The following RAPGEF4 variants were observed in gnomAD, a reference collection of about 807,000 sequenced individuals.
RAPGEF4 encodes the protein Rap guanine nucleotide exchange factor 4, also known as RAP guanine-nucleotide-exchange factor (GEF) 4.
RAPGEF4 carries 66 observed loss-of-function variants against 147.9 expected under a neutral mutation model. The observed-to-expected ratio is 0.45, with a 90% CI of 0.37 to 0.55. The LOEUF is 0.55. RAPGEF4 is among the 20% of genes least tolerant of loss of function. The pLI, the probability that RAPGEF4 is intolerant of heterozygous loss-of-function variation, is 0.00. For missense variants in RAPGEF4, 1,071 were observed against 1,257.3 expected, an observed-to-expected ratio of 0.85 and a Z score of 2.24; for synonymous variants, 419 against 442.7, an observed-to-expected ratio of 0.95 and a Z score of 0.67.
chr2:172,748,554 C>G (rs1694981104), intron 1 of RAPGEF4, among the ~76,000 whole-genome samples: 2 of 152,134 alleles, frequency 1.3e-5, no homozygotes, highest in Non-Finnish European at 2.9e-5. Flanking sequence ...TCAGTTATCT[C>G]CCACCGGGTC....
At chr2:172,861,706 A>G (rs1013203809) in intron 4 of RAPGEF4, among the ~76,000 whole-genome samples, 1 of 152,244 alleles carries the variant, frequency 6.6e-6, no homozygotes. Flanking sequence ...GTGATTTTCT[A>G]TAAATACACA....
intron 4 of RAPGEF4, among the ~76,000 whole-genome samples, chr2:172,850,545 G>A (rs951984483): frequency 1.3e-5 from 2 of 151,912 alleles, no homozygotes; most frequent in African/African-American, 2.4e-5. Flanking sequence ...ATGAACCCGG[G>A]AGGCGGAGCT....
At chr2:172,903,158 C>G (rs995054186) in intron 4 of RAPGEF4, among the ~76,000 whole-genome samples, 6 of 152,068 alleles carry the variant, frequency 3.9e-5, no homozygotes, top group Non-Finnish European at 7.3e-5. Flanking sequence ...CACCTGAGGT[C>G]AGGAGATCGA....
At chr2:172,897,812 T>C (rs948595652) in intron 4 of RAPGEF4, among the ~76,000 whole-genome samples, 3 of 146,018 alleles carry the variant, frequency 2.1e-5, no homozygotes, top group Non-Finnish European at 4.5e-5. Flanking sequence ...ATCTTTGGAA[T>C]TGCCTTTTTC....
At chr2:172,789,584 A>C (rs531560184) in intron 1 of RAPGEF4, among the ~76,000 whole-genome samples, 1 of 152,158 alleles carries the variant, frequency 6.6e-6, no homozygotes, top group African/African-American at 2.4e-5. Context: ...ATCTTTCTTG[A>C]CTGAAACTCT....
chr2:173,043,210 G>T (rs1036930526), intron 29 of RAPGEF4, among the ~76,000 whole-genome samples: 1 of 152,216 alleles, frequency 6.6e-6, no homozygotes, highest in African/African-American at 2.4e-5. Flanking sequence ...ATTAACAAAG[G>T]TCCTATATTT....
intron 4 of RAPGEF4, among the ~76,000 whole-genome samples, chr2:172,859,296 T>G (rs1693764823): frequency 6.6e-6 from 1 of 152,220 alleles, no homozygotes; most frequent in Non-Finnish European, 1.5e-5. Context: ...AATCTGAGTT[T>G]AAAAAGCATT....
intron 4 of RAPGEF4, among the ~76,000 whole-genome samples, chr2:172,886,216 T>C (rs1374495464): frequency 6.6e-6 from 1 of 152,248 alleles, no homozygotes; most frequent in African/African-American, 2.4e-5. Flanking sequence ...CATCTCTTTC[T>C]CTAGACCAGG....
chr2:172,736,171 G>T (rs1177607964), intron 1 of RAPGEF4, 123 bp downstream of exon 1: 2 of 670,412 alleles, frequency 3.0e-6, no homozygotes, highest in South Asian at 9.2e-5. Flanking sequence ...GTCCCCGAGC[G>T]GGGGAAGGGG....
At chr2:172,861,928 G>A (rs1469615336) in intron 4 of RAPGEF4, among the ~76,000 whole-genome samples, 2 of 152,182 alleles carry the variant, frequency 1.3e-5, no homozygotes, top group Admixed American at 6.5e-5. Context: ...AATGATGCAC[G>A]TAGCAAGAAC....
At chr2:172,757,139 G>A (rs1361260330) in intron 1 of RAPGEF4, among the ~76,000 whole-genome samples, 1 of 152,244 alleles carries the variant, frequency 6.6e-6, no homozygotes, top group Non-Finnish European at 1.5e-5. Context: ...TAAACAAATG[G>A]CTGAAAGCCA....
intron 6 of RAPGEF4, among the ~76,000 whole-genome samples, chr2:172,956,284 G>C (rs1293192615): frequency 6.6e-6 from 1 of 151,916 alleles, no homozygotes; most frequent in African/African-American, 2.4e-5. Flanking sequence ...GATCTATTTG[G>C]CTTCTGAAAT....
chr2:172,774,329 G>A (rs1683940194), intron 1 of RAPGEF4, among the ~76,000 whole-genome samples: 2 of 152,122 alleles, frequency 1.3e-5, no homozygotes, highest in African/African-American at 4.8e-5. Flanking sequence ...CCTTCCCATG[G>A]TTAGCAGAAT....
chr2:172,968,283 CT>C (rs796234786), intron 10 of RAPGEF4, among the ~76,000 whole-genome samples: 5 of 152,312 alleles, frequency 3.3e-5, no homozygotes, highest in African/African-American at 9.6e-5. Context: ...CGTCGGCCAG[CT>C]GTGGATGTCA....
At chr2:172,824,680 C>T (rs1229451819) in intron 4 of RAPGEF4, among the ~76,000 whole-genome samples, 1 of 152,188 alleles carries the variant, frequency 6.6e-6, no homozygotes, top group Non-Finnish European at 1.5e-5. Context: ...AGATCATCCC[C>T]AAATTCCACC....
chr2:172,810,308 C>T (rs1220981197), intron 3 of RAPGEF4, among the ~76,000 whole-genome samples: 1 of 152,152 alleles, frequency 6.6e-6, no homozygotes, highest in African/African-American at 2.4e-5. Context: ...ATTTATTAAG[C>T]ATTTGTTTTG....
chr2:172,798,594 A>T (rs1464698474), intron 3 of RAPGEF4, among the ~76,000 whole-genome samples: 1 of 152,248 alleles, frequency 6.6e-6, no homozygotes, highest in African/African-American at 2.4e-5. Context: ...ATTTAAAGGG[A>T]CAAATAACCT....
chr2:173,002,143 T>G (rs1693995762), intron 17 of RAPGEF4, among the ~76,000 whole-genome samples: 1 of 152,146 alleles, frequency 6.6e-6, no homozygotes, highest in Non-Finnish European at 1.5e-5. Context: ...CTTGTGTTCC[T>G]CCTCCGAGCT....
At chr2:172,795,489 G>A (rs1180454414) in intron 2 of RAPGEF4, among the ~76,000 whole-genome samples, 1 of 152,172 alleles carries the variant, frequency 6.6e-6, no homozygotes, top group Non-Finnish European at 1.5e-5. Context: ...GAAATATGTG[G>A]CCAATAGGAT....
Sources: allele counts gnomAD v4.1 joint callset (sites outside exome capture counted in the v4.1 genomes callset), GRCh38; gene constraint gnomAD v4.1.1; transcripts MANE v1.5; gene names NCBI Gene and HGNC (gene_info 2026-07-23, HGNC 2026-07-21).